MGAT4C: variants seen among roughly 807,000 people sequenced by gnomAD.
MGAT4C encodes the protein MGAT4 family member C.
A neutral mutation model predicts 40.1 loss-of-function variants in MGAT4C; 19 were observed. That is an observed-to-expected ratio of 0.47 (90% CI 0.33 to 0.70). MGAT4C has a LOEUF of 0.70. Among genes scored for constraint, MGAT4C ranks in the 30% least tolerant of loss-of-function variants. The pLI is 0.02. For missense variants in MGAT4C, 491 were observed against 563.2 expected, an observed-to-expected ratio of 0.87 and a Z score of 1.30; for synonymous variants, 181 against 187.1, an observed-to-expected ratio of 0.97 and a Z score of 0.27.
chr12:86,270,218 C>T (rs933368827), intron 4 of MGAT4C, among the ~76,000 whole-genome samples: 2 of 152,062 alleles, frequency 1.3e-5, no homozygotes, highest in African/African-American at 2.4e-5. Context: ...AGGTGCACAC[C>T]GCCATGCCCA....
intron 2 of MGAT4C, among the ~76,000 whole-genome samples, chr12:86,555,771 T>C (rs1166365744): frequency 6.6e-6 from 1 of 152,202 alleles, no homozygotes; most frequent in Non-Finnish European, 1.5e-5. Flanking sequence ...TTTCTTTGTT[T>C]GATCACCAAT....
At chr12:86,835,667 T>G (rs916313131) in intron 1 of MGAT4C, among the ~76,000 whole-genome samples, 5 of 152,076 alleles carry the variant, frequency 3.3e-5, no homozygotes, top group African/African-American at 1.2e-4. Flanking sequence ...ATAATTTAGC[T>G]ATTAGATAAC....
chr12:86,083,267 T>A (rs1391848868), intron 1 of MGAT4C, among the ~76,000 whole-genome samples: 1 of 152,066 alleles, frequency 6.6e-6, no homozygotes. Flanking sequence ...TCTGAAATAA[T>A]TAAGGCCTTT....
intron 4 of MGAT4C, among the ~76,000 whole-genome samples, chr12:86,293,518 T>A (rs1953578796): frequency 6.6e-6 from 1 of 152,226 alleles, no homozygotes; most frequent in Admixed American, 6.5e-5. Context: ...ACTCTACCTA[T>A]TGAAGAAATC....
At chr12:86,611,388 ATAGG>A (rs150541086) in intron 2 of MGAT4C, among the ~76,000 whole-genome samples, 1,913 of 148,206 alleles carry the variant, frequency 0.013, 17 homozygotes, top group Middle Eastern at 0.028. Context: ...GGTCCCATAG[ATAGG>A]TAGGTAGGTA....
At chr12:86,435,057 T>C (rs537708264) in intron 3 of MGAT4C, 2 of 151,956 alleles carry the variant, frequency 1.3e-5, no homozygotes, top group Non-Finnish European at 2.9e-5. Context: ...TTCTGACTTA[T>C]AAACATATAA....
intron 1 of MGAT4C, among the ~76,000 whole-genome samples, chr12:86,095,826 G>A (rs1345455622): frequency 6.6e-6 from 1 of 151,432 alleles, no homozygotes; most frequent in East Asian, 1.9e-4. Flanking sequence ...TGTGTTCATC[G>A]TGTCAGAATA....
At chr12:86,509,656 T>C (rs911556396) in intron 2 of MGAT4C, among the ~76,000 whole-genome samples, 2 of 152,114 alleles carry the variant, frequency 1.3e-5, no homozygotes, top group Non-Finnish European at 2.9e-5. Flanking sequence ...TTGGGCAGTA[T>C]GGCCATTTTC....
intron 2 of MGAT4C, among the ~76,000 whole-genome samples, chr12:86,594,732 C>T (rs1363906571): frequency 6.6e-6 from 1 of 152,118 alleles, no homozygotes; most frequent in Non-Finnish European, 1.5e-5. Context: ...TCAGAGAACT[C>T]CAGCTAACTA....
intron 2 of MGAT4C, among the ~76,000 whole-genome samples, chr12:86,600,058 G>T (rs1961707492): frequency 2.0e-5 from 3 of 152,086 alleles, no homozygotes; most frequent in African/African-American, 7.2e-5. Context: ...GGTGCTAAAA[G>T]AAAAGAAACA....
intron 2 of MGAT4C, among the ~76,000 whole-genome samples, chr12:86,003,623 G>GA: frequency 6.6e-6 from 1 of 152,264 alleles, no homozygotes; most frequent in East Asian, 1.9e-4. Flanking sequence ...TATAGTTGCT[G>GA]AAAACGGTTT....
chr12:86,557,264 T>G (rs1959654980), intron 2 of MGAT4C, among the ~76,000 whole-genome samples: 1 of 152,182 alleles, frequency 6.6e-6, no homozygotes, highest in Admixed American at 6.5e-5. Context: ...AAATAATAAC[T>G]TTGATCCATG....
intron 1 of MGAT4C, among the ~76,000 whole-genome samples, chr12:86,097,001 C>T (rs899342182): frequency 3.3e-5 from 5 of 151,452 alleles, no homozygotes; most frequent in African/African-American, 1.2e-4. Context: ...GTTGTAGGTT[C>T]ATATTTCTTC....
chr12:86,212,681 G>A (rs1463552016), intron 1 of MGAT4C, among the ~76,000 whole-genome samples: 1 of 146,328 alleles, frequency 6.8e-6, no homozygotes, highest in Non-Finnish European at 1.5e-5. Flanking sequence ...GAGGTCAGGA[G>A]ATCGAGACCA....
rs1002090944 is a variant in MGAT4C at position 86,632,492 on chromosome 12, A to G, written c.-229+94717T>C. On this transcript the variant is annotated intron_variant, in intron 2 of 7. Coordinates refer to the MGAT4C transcript ENST00000548651. ...TGTGGCACTATTCACAATAGCAAAG[A>G]CTTGGAACCAGCCCAAATGTCCATC... Among the ~76,000 whole-genome samples the G allele has an allele frequency of 1.9e-4, 28 of 149,954 alleles. 1 individual carries two copies. The highest frequency in any genetic ancestry group is 6.3e-4 in the African/African-American group (26 of 41,374).
At chr12:86,056,760 C>T (rs912352845) in intron 1 of MGAT4C, among the ~76,000 whole-genome samples, 5 of 151,944 alleles carry the variant, frequency 3.3e-5, no homozygotes, top group African/African-American at 1.2e-4. Flanking sequence ...GTAATAGGAT[C>T]GCTGGATCAA....
intron 4 of MGAT4C, among the ~76,000 whole-genome samples, chr12:86,329,821 T>A (rs1199701268): frequency 2.0e-5 from 3 of 152,206 alleles, no homozygotes; most frequent in Non-Finnish European, 4.4e-5. Flanking sequence ...GGTGTTAGAG[T>A]TAAAAATTTA....
At chr12:86,419,015 A>G (rs1285358128) in intron 3 of MGAT4C, among the ~76,000 whole-genome samples, 6 of 152,140 alleles carry the variant, frequency 3.9e-5, no homozygotes, top group African/African-American at 1.4e-4. Flanking sequence ...AAGAGTTATT[A>G]TGGTTATTGC....
At chr12:86,466,952 G>T (rs1957690937) in intron 2 of MGAT4C, among the ~76,000 whole-genome samples, 1 of 152,070 alleles carries the variant, frequency 6.6e-6, no homozygotes, top group African/African-American at 2.4e-5. Flanking sequence ...TGGTATTTAT[G>T]TGAATCTGCT....
Sources: gnomAD v4.1 joint callset for allele counts (sites outside exome capture counted in the v4.1 genomes callset) on GRCh38, gnomAD v4.1.1 for gene constraint, MANE v1.5 for transcripts, NCBI Gene and HGNC (gene_info 2026-07-23, HGNC 2026-07-21) for gene names.